PAK1: variants seen among roughly 807,000 people sequenced by gnomAD.
The protein encoded by PAK1 is serine/threonine-protein kinase PAK 1.
PAK1 carries 29 observed loss-of-function variants against 67.4 expected under a neutral mutation model. The observed-to-expected ratio is 0.43, with a 90% CI of 0.32 to 0.59. PAK1 has a LOEUF of 0.59. PAK1 is among the 20% of genes least tolerant of loss of function. The probability of loss-of-function intolerance (pLI) is 0.07; values close to 1 mark genes in which losing one functional copy is unlikely to be tolerated. For synonymous variants in PAK1, 223 were observed against 237.4 expected (o/e 0.94, Z 0.56); for missense variants, 337 against 670.7 (o/e 0.50, Z 5.50).
the PAK1 span, among the ~76,000 whole-genome samples, chr11:77,499,888 C>T: frequency 2.0e-5 from 3 of 152,246 alleles, no homozygotes; most frequent in South Asian, 6.2e-4. Flanking sequence ...CTAAATGTCT[C>T]ACCCTTTTGA....
At chr11:77,407,160 A>T (rs1273698837) in intron 1 of PAK1, among the ~76,000 whole-genome samples, 1 of 152,260 alleles carries the variant, frequency 6.6e-6, no homozygotes, top group East Asian at 1.9e-4. Context: ...AGTAAGTGGT[A>T]GAACCAGGAT....
chr11:77,333,737 C>T (rs558278840), intron 13 of PAK1, among the ~76,000 whole-genome samples: 14 of 152,280 alleles, frequency 9.2e-5, no homozygotes, highest in South Asian at 6.2e-4. Context: ...TAAATCTTTA[C>T]AAGCACTCAG....
the PAK1 span, among the ~76,000 whole-genome samples, chr11:77,513,487 T>C: frequency 6.6e-6 from 1 of 151,940 alleles, no homozygotes; most frequent in Admixed American, 6.6e-5. Flanking sequence ...CTGGCCAACA[T>C]GGCAAAATCC....
chr11:77,527,338 A>G, the PAK1 span, among the ~76,000 whole-genome samples: 3 of 152,142 alleles, frequency 2.0e-5, no homozygotes, highest in Non-Finnish European at 4.4e-5. Flanking sequence ...CCTAAGCTCA[A>G]GTAATCTGCC....
At chr11:77,513,931 A>G in the PAK1 span, among the ~76,000 whole-genome samples, 1 of 152,154 alleles carries the variant, frequency 6.6e-6, no homozygotes, top group South Asian at 2.1e-4. Context: ...TGTGCTGGAC[A>G]CCTGTCACTT....
chr11:77,497,366 T>C, the PAK1 span, among the ~76,000 whole-genome samples: 1 of 152,222 alleles, frequency 6.6e-6, no homozygotes, highest in Non-Finnish European at 1.5e-5. Context: ...TAAAACACTT[T>C]CTTCTTCTCA....
chr11:77,454,178 A>G (rs1956982724), intron 1 of PAK1, among the ~76,000 whole-genome samples: 1 of 152,152 alleles, frequency 6.6e-6, no homozygotes, highest in African/African-American at 2.4e-5. Flanking sequence ...GCACTTCCAC[A>G]TATATTTGTC....
At chr11:77,353,822 C>T (rs112229078) in intron 7 of PAK1, among the ~76,000 whole-genome samples, 48 of 152,164 alleles carry the variant, frequency 3.2e-4, no homozygotes, top group East Asian at 2.5e-3. Flanking sequence ...TTCTAAACTC[C>T]TAAAAGTCAT....
intron 1 of PAK1, among the ~76,000 whole-genome samples, chr11:77,443,048 G>A (rs1956426988): frequency 6.6e-6 from 1 of 152,166 alleles, no homozygotes; most frequent in African/African-American, 2.4e-5. Context: ...AAGTAGGCTG[G>A]GCCTGGTGGC....
At chr11:77,325,366 A>AG (rs765261343) in intron 14 of PAK1, 1 of 1,613,636 alleles carries the variant, frequency 6.2e-7, no homozygotes, top group Non-Finnish European at 8.5e-7. Flanking sequence ...TTGAAACCTC[A>AG]GTTTTCTCAC....
intron 1 of PAK1, among the ~76,000 whole-genome samples, chr11:77,449,691 TAA>T (rs35907304): frequency 3.7e-4 from 42 of 113,920 alleles, no homozygotes; most frequent in Admixed American, 1.5e-3. Context: ...ATCCTATAGG[TAA>T]AAAAAAAAAA....
chr11:77,414,281 C>T (rs184001179), intron 1 of PAK1, among the ~76,000 whole-genome samples: 1 of 152,200 alleles, frequency 6.6e-6, no homozygotes, highest in Admixed American at 6.5e-5. Context: ...TGGGGATAGA[C>T]ACATCAGTGA....
At chr11:77,400,710 A>G (rs1952559490) in intron 1 of PAK1, among the ~76,000 whole-genome samples, 1 of 152,242 alleles carries the variant, frequency 6.6e-6, no homozygotes, top group Admixed American at 6.5e-5. Context: ...CTAGGATTTA[A>G]GCATTATTTG....
chr11:77,393,398 G>A (rs577409731), intron 1 of PAK1, among the ~76,000 whole-genome samples: 4 of 151,948 alleles, frequency 2.6e-5, no homozygotes, highest in African/African-American at 7.2e-5. Flanking sequence ...GGGCTCAAGA[G>A]ATCCTCCCCA....
intron 12 of PAK1, among the ~76,000 whole-genome samples, 185 bp downstream of exon 12, chr11:77,337,139 T>A (rs1249337168): frequency 1.3e-5 from 2 of 151,778 alleles, no homozygotes; most frequent in Non-Finnish European, 2.9e-5. Context: ...AATGTATAAA[T>A]GAATGAAAAA....
chr11:77,499,084 T>A, the PAK1 span, among the ~76,000 whole-genome samples: 2 of 151,374 alleles, frequency 1.3e-5, no homozygotes, highest in African/African-American at 2.4e-5. Flanking sequence ...TTACCAAACT[T>A]GGCAGAAGGT....
intron 14 of PAK1, chr11:77,325,287 T>G (rs1225916505): frequency 6.2e-7 from 1 of 1,613,396 alleles, no homozygotes; most frequent in Non-Finnish European, 8.5e-7. Flanking sequence ...GCATACACAC[T>G]TGAGAGCCAA....
intron 1 of PAK1, among the ~76,000 whole-genome samples, chr11:77,431,504 T>C (rs190057949): frequency 6.6e-6 from 1 of 152,184 alleles, no homozygotes; most frequent in South Asian, 2.1e-4. Flanking sequence ...GTAGGACTTA[T>C]GTGATGCTAA....
At chr11:77,353,316 G>A (rs1044616797) in intron 8 of PAK1, 46 of 469,552 alleles carry the variant, frequency 9.8e-5, no homozygotes, top group African/African-American at 8.7e-4. Context: ...TCACTGCAGG[G>A]GTATTTTTAG....
Sources: allele counts gnomAD v4.1 joint callset (sites outside exome capture counted in the v4.1 genomes callset), GRCh38; gene constraint gnomAD v4.1.1; transcripts MANE v1.5; gene names NCBI Gene and HGNC (gene_info 2026-07-23, HGNC 2026-07-21).